RELN: variants seen among roughly 807,000 people sequenced by gnomAD.
The protein encoded by RELN is reelin.
In RELN, 108 loss-of-function variants were observed where a neutral mutation model predicts 427.6. The observed-to-expected ratio is 0.25, with a 90% CI of 0.22 to 0.30. The LOEUF (loss-of-function observed/expected upper bound fraction) is 0.30, where lower values mean the gene tolerates loss of function less well. RELN is among the 10% of genes least tolerant of loss of function. The pLI is 1.00. For missense variants in RELN, 3,715 were observed against 4,302.8 expected (o/e 0.86, Z 3.82); for synonymous variants, 1,524 against 1,513.4 (o/e 1.01, Z -0.16).
At chr7:103,802,034 T>G (rs1048750810) in intron 3 of RELN, among the ~76,000 whole-genome samples, 3 of 152,176 alleles carry the variant, frequency 2.0e-5, no homozygotes, top group African/African-American at 7.2e-5. Context: ...TAGTTAAGTG[T>G]CAGTATATAT....
intron 34 of RELN, among the ~76,000 whole-genome samples, chr7:103,564,043 T>C (rs1348602514): frequency 6.6e-6 from 1 of 152,230 alleles, no homozygotes; most frequent in Non-Finnish European, 1.5e-5. Context: ...GATGCATGAC[T>C]TTAACACATT....
chr7:103,663,690 A>G (rs1833194932), intron 11 of RELN, among the ~76,000 whole-genome samples: 1 of 152,170 alleles, frequency 6.6e-6, no homozygotes, highest in South Asian at 2.1e-4. Flanking sequence ...ACTTACAGTC[A>G]TAGCTCTGAT....
At chr7:103,765,206 G>T (rs552965710) in intron 4 of RELN, among the ~76,000 whole-genome samples, 8 of 152,360 alleles carry the variant, frequency 5.3e-5, no homozygotes, top group African/African-American at 1.9e-4. Context: ...GGCCACTGAA[G>T]CGGAAGACAT....
chr7:103,839,877 A>T (rs2116429083), intron 2 of RELN, among the ~76,000 whole-genome samples: 1 of 152,256 alleles, frequency 6.6e-6, no homozygotes, highest in South Asian at 2.1e-4. Flanking sequence ...TGTCATGCTG[A>T]ATTATAATTC....
At chr7:103,724,084 T>C (rs1287472692) in intron 7 of RELN, among the ~76,000 whole-genome samples, 4 of 152,156 alleles carry the variant, frequency 2.6e-5, no homozygotes, top group Non-Finnish European at 2.9e-5. Context: ...CACTACAATA[T>C]AGGACATTTC....
At chr7:103,605,271 G>A (rs1223935336) in intron 22 of RELN, among the ~76,000 whole-genome samples, 3 of 152,084 alleles carry the variant, frequency 2.0e-5, no homozygotes, top group Admixed American at 1.3e-4. Context: ...TATTGTTTTG[G>A]GGTTGAGGGG....
In RELN at chr7:103,652,631, C is replaced by T. The variant is rs1336589155; in HGVS notation, c.1683G>A (p.Leu561=). 2 of 1,612,858 alleles carry T rather than the reference C, an allele frequency of 1.2e-6. No homozygotes were observed. The highest frequency in any genetic ancestry group is 1.7e-6 in the Non-Finnish European group (2 of 1,179,274). ...NVWAVDFFHV[L]PVLPSTMSHM... is the part of the protein sequence containing the mutation. ...GAGACATTGTAGAAGGGAGAACAGG[C>T]AAGACATGGAAAAAGTCTACAGCCC... The change falls in exon 14 of 65, where the codon TTG becomes TTA. Residue 561 remains leucine, a synonymous_variant. Transcript: ENST00000428762.
chr7:103,802,613 C>A (rs1220646500), intron 3 of RELN, among the ~76,000 whole-genome samples: 3 of 152,016 alleles, frequency 2.0e-5, no homozygotes, highest in South Asian at 4.1e-4. Context: ...TGTTTAGTAG[C>A]AAAAGATAAT....
intron 1 of RELN, among the ~76,000 whole-genome samples, chr7:103,958,421 T>C (rs549531512): frequency 1.1e-3 from 160 of 152,314 alleles, no homozygotes; most frequent in African/African-American, 3.3e-3. Context: ...CCATGTGTAC[T>C]GTGGTGTGCT....
At chr7:103,878,454 C>A (rs1213286906) in intron 2 of RELN, among the ~76,000 whole-genome samples, 3 of 152,270 alleles carry the variant, frequency 2.0e-5, no homozygotes. Context: ...TATCTCAGAA[C>A]TGTTCCTGAG....
At chr7:103,519,940 A>G (rs1334248125) in intron 48 of RELN, among the ~76,000 whole-genome samples, 1 of 152,158 alleles carries the variant, frequency 6.6e-6, no homozygotes, top group East Asian at 1.9e-4. Flanking sequence ...AGCTCTTAGT[A>G]TTTTGCCTAG....
chr7:103,515,084 G>C (rs914499555), intron 50 of RELN, 101 bp downstream of exon 50: 1 of 1,440,568 alleles, frequency 6.9e-7, no homozygotes, highest in Non-Finnish European at 9.7e-7. Flanking sequence ...TACACCACTG[G>C]AACATCTGAA....
intron 4 of RELN, among the ~76,000 whole-genome samples, chr7:103,772,466 TGCTTGGAGTA>T (rs1293842360): frequency 6.6e-6 from 1 of 152,128 alleles, no homozygotes; most frequent in Non-Finnish European, 1.5e-5. Flanking sequence ...ATTAGATGAG[TGCTTGGAGTA>T]GTGTCTGGCA....
rs1158200016 is a variant in RELN at position 103,472,067 on chromosome 7, A to G, written c.*745T>C. The G allele has an allele frequency of 1.3e-5, 2 of 152,520 alleles. No individual in the cohort carries two copies. The highest frequency in any genetic ancestry group is 4.8e-5 in the African/African-American group (2 of 41,470). 9.4% of individuals were successfully genotyped at this position (152,520 alleles called of 1,614,324 possible). On this transcript the variant is annotated 3_prime_UTR_variant, in exon 65 of 65. Transcript: ENST00000428762. ...AGTAAATCAGCCACAGAACACTTAAAAAAAGATCTTTAGACAAGGAAATGG... is the reference window on the plus strand; with the variant it reads ...AGTAAATCAGCCACAGAACACTTAAGAAAAGATCTTTAGACAAGGAAATGG...
intron 3 of RELN, among the ~76,000 whole-genome samples, chr7:103,812,992 C>T (rs1048987250): frequency 6.6e-6 from 1 of 152,044 alleles, no homozygotes; most frequent in Non-Finnish European, 1.5e-5. Context: ...CTCCAGATAC[C>T]TTTTAAATTT....
intron 45 of RELN, among the ~76,000 whole-genome samples, chr7:103,536,685 G>C (rs1562877613): frequency 6.6e-6 from 1 of 152,166 alleles, no homozygotes; most frequent in Non-Finnish European, 1.5e-5. Context: ...CTTTTATTTT[G>C]AGGGACATCA....
At chr7:103,550,670 C>T (rs1451038409) in intron 41 of RELN, among the ~76,000 whole-genome samples, 2 of 150,360 alleles carry the variant, frequency 1.3e-5, no homozygotes, top group Non-Finnish European at 3.0e-5. Flanking sequence ...CTTCTATGCT[C>T]CCTATATACA....
At chr7:103,977,812 T>C (rs1796911962) in intron 1 of RELN, among the ~76,000 whole-genome samples, 1 of 152,168 alleles carries the variant, frequency 6.6e-6, no homozygotes, top group African/African-American at 2.4e-5. Context: ...TGGTTTCTGT[T>C]GCTGGCAAGC....
intron 13 of RELN, among the ~76,000 whole-genome samples, chr7:103,653,673 T>C (rs757760622): frequency 7.2e-5 from 11 of 152,002 alleles, no homozygotes; most frequent in African/African-American, 2.7e-4. Flanking sequence ...AATCGGTAGC[T>C]CTAGTTAGCA....
Sources: allele counts gnomAD v4.1 joint callset (sites outside exome capture counted in the v4.1 genomes callset), GRCh38; gene constraint gnomAD v4.1.1; transcripts MANE v1.5; gene names NCBI Gene and HGNC (gene_info 2026-07-23, HGNC 2026-07-21).